Variants in SHISA9 observed in about 807,000 individuals in gnomAD.
SHISA9 encodes shisa family member 9.
In SHISA9, 13 loss-of-function variants were observed where a neutral mutation model predicts 38.0. The ratio of observed to expected loss-of-function variants is 0.34; its 90% CI spans 0.22 to 0.54. SHISA9 has a LOEUF of 0.54. SHISA9 is among the 20% of genes least tolerant of loss of function. The pLI is 0.91. For missense variants in SHISA9, 538 were observed against 575.8 expected (o/e 0.93, Z 0.67); for synonymous variants, 275 against 242.0 (o/e 1.14, Z -1.27).
intron 2 of SHISA9, among the ~76,000 whole-genome samples, chr16:13,047,096 C>T (rs908356914): frequency 3.9e-5 from 6 of 151,926 alleles, no homozygotes; most frequent in African/African-American, 1.2e-4. Context: ...AATGATAAAC[C>T]GAAAAAGGCT....
intron 2 of SHISA9, among the ~76,000 whole-genome samples, chr16:13,095,829 C>G (rs569414926): frequency 6.6e-6 from 1 of 152,348 alleles, no homozygotes; most frequent in African/African-American, 2.4e-5. Flanking sequence ...GGCTCTCAAA[C>G]TTGAGCGAGC....
At chr16:13,133,172 G>A (rs747609329) in intron 2 of SHISA9, among the ~76,000 whole-genome samples, 12 of 152,320 alleles carry the variant, frequency 7.9e-5, no homozygotes, top group Middle Eastern at 3.4e-3. Context: ...ACAGAGCTAG[G>A]TGGAATCTTA....
At chr16:13,417,239 G>T in the SHISA9 span, among the ~76,000 whole-genome samples, 1 of 152,160 alleles carries the variant, frequency 6.6e-6, no homozygotes, top group South Asian at 2.1e-4. Context: ...GTTGGCACCC[G>T]CAAAAGGAAA....
intron 2 of SHISA9, among the ~76,000 whole-genome samples, chr16:13,158,831 C>G (rs1272536351): frequency 2.7e-5 from 4 of 148,624 alleles, no homozygotes; most frequent in African/African-American, 1.0e-4. Context: ...CTGAGGTGGG[C>G]GGATCACGAG....
chr16:13,203,334 A>C (rs2051024442), intron 2 of SHISA9, 60 bp from the exon 3 acceptor site: 2 of 1,395,288 alleles, frequency 1.4e-6, no homozygotes, highest in South Asian at 1.8e-5. Flanking sequence ...TGGTGATGGG[A>C]GGGAAGGTAG....
At chr16:13,502,194 T>A in the SHISA9 span, among the ~76,000 whole-genome samples, 4 of 149,026 alleles carry the variant, frequency 2.7e-5, no homozygotes, top group Non-Finnish European at 6.0e-5. Context: ...GCTGTCAGAT[T>A]CCCACCTACA....
the SHISA9 span, among the ~76,000 whole-genome samples, chr16:13,546,121 C>T: frequency 2.0e-5 from 3 of 152,198 alleles, no homozygotes; most frequent in East Asian, 5.8e-4. Context: ...ATGTCTTTGT[C>T]CTATAAGAAA....
intron 2 of SHISA9, among the ~76,000 whole-genome samples, chr16:13,148,458 C>A (rs1196117263): frequency 1.3e-5 from 2 of 151,966 alleles, no homozygotes; most frequent in African/African-American, 4.8e-5. Flanking sequence ...ACCTTTTCAC[C>A]CACAAAACAT....
intron 2 of SHISA9, among the ~76,000 whole-genome samples, chr16:13,095,502 G>A (rs1420353057): frequency 6.6e-6 from 1 of 151,836 alleles, no homozygotes; most frequent in Non-Finnish European, 1.5e-5. Context: ...GTGGTGGTTA[G>A]GGGTGGCTTC....
chr16:13,178,612 C>G (rs1596705922), intron 2 of SHISA9, among the ~76,000 whole-genome samples: 1 of 152,122 alleles, frequency 6.6e-6, no homozygotes, highest in East Asian at 1.9e-4. Context: ...CTCCCCGTCC[C>G]CAGCAACACA....
At chr16:13,422,704 C>G in the SHISA9 span, among the ~76,000 whole-genome samples, 3 of 139,696 alleles carry the variant, frequency 2.1e-5, no homozygotes, top group East Asian at 4.9e-4. Context: ...TCAAAACAAA[C>G]AAACAAAAAC....
intron 2 of SHISA9, among the ~76,000 whole-genome samples, chr16:13,095,442 A>T (rs2073815419): frequency 6.6e-6 from 1 of 152,230 alleles, no homozygotes; most frequent in Non-Finnish European, 1.5e-5. Context: ...GGCCATACCC[A>T]TGTGTGGCCA....
At position 12,980,045 on chromosome 16, in the gene SHISA9, C is replaced by G. The variant is rs1384234542; in HGVS notation, c.691+63230C>G. 2.0e-5 allele frequency among the ~76,000 whole-genome samples: 3 copies of G among 152,294 alleles called. No homozygotes were observed. The East Asian group carries it at 5.8e-4, about 29-fold the overall frequency. ...ACAAGGTCAGATGAGGCTGAGGCTA[C>G]TGATTCAAGGAACCACACTTTGAGT... On this transcript the variant is annotated intron_variant, in intron 2 of 4. Transcript: ENST00000558583.
the SHISA9 span, among the ~76,000 whole-genome samples, chr16:13,313,414 G>A: frequency 2.0e-5 from 3 of 152,282 alleles, no homozygotes; most frequent in Admixed American, 1.3e-4. Context: ...TGGTAGAAAT[G>A]AACCCAACTC....
chr16:13,184,128 G>GT (rs369253309), intron 2 of SHISA9, among the ~76,000 whole-genome samples: 4 of 152,124 alleles, frequency 2.6e-5, no homozygotes, highest in African/African-American at 9.7e-5. Context: ...CTCAGTCATA[G>GT]TAGCTGCCTC....
the SHISA9 span, among the ~76,000 whole-genome samples, chr16:13,411,769 G>A: frequency 2.0e-5 from 3 of 152,224 alleles, no homozygotes; most frequent in Non-Finnish European, 2.9e-5. Flanking sequence ...TGGTTGGAAC[G>A]TAGAGAGATG....
the SHISA9 span, among the ~76,000 whole-genome samples, chr16:13,535,363 G>T: frequency 6.6e-6 from 1 of 152,136 alleles, no homozygotes; most frequent in African/African-American, 2.4e-5. Context: ...TAGAAATCTT[G>T]ATGTCTCTGA....
chr16:13,518,629 C>A, the SHISA9 span, among the ~76,000 whole-genome samples: 1 of 152,118 alleles, frequency 6.6e-6, no homozygotes, highest in Non-Finnish European at 1.5e-5. Context: ...GCTGCTTCTT[C>A]CTCTCTCTCC....
chr16:12,924,421 A>C (rs529735168), intron 2 of SHISA9, among the ~76,000 whole-genome samples: 1 of 152,324 alleles, frequency 6.6e-6, no homozygotes, highest in African/African-American at 2.4e-5. Flanking sequence ...TAGGATTTTG[A>C]GTTTTGAGAG....
Sources: gnomAD v4.1 joint callset for allele counts (sites outside exome capture counted in the v4.1 genomes callset) on GRCh38, gnomAD v4.1.1 for gene constraint, MANE v1.5 for transcripts, NCBI Gene and HGNC (gene_info 2026-07-23, HGNC 2026-07-21) for gene names.